Variants in LEMD3 observed in about 807,000 individuals in gnomAD.
LEMD3 encodes inner nuclear membrane protein Man1.
A neutral mutation model predicts 95.2 loss-of-function variants in LEMD3; 33 were observed. That is an observed-to-expected ratio of 0.35 (90% CI 0.26 to 0.46). The LOEUF is 0.46. Among genes scored for constraint, LEMD3 ranks in the 20% least tolerant of loss-of-function variants. The pLI is 1.00. For synonymous variants in LEMD3, 525 were observed against 474.6 expected, an observed-to-expected ratio of 1.11 and a Z score of -1.38; for missense variants, 1,210 against 1,192.8, an observed-to-expected ratio of 1.01 and a Z score of -0.21.
intron 4 of LEMD3, among the ~76,000 whole-genome samples, chr12:65,227,598 C>T (rs1424829424): frequency 2.0e-5 from 3 of 152,206 alleles, no homozygotes; most frequent in South Asian, 4.1e-4. Flanking sequence ...ACTGATAATA[C>T]AATGTAAATT....
chr12:65,197,022 TG>T (rs2136328079), intron 1 of LEMD3, among the ~76,000 whole-genome samples: 1 of 152,290 alleles, frequency 6.6e-6, no homozygotes, highest in Admixed American at 6.5e-5. Context: ...TTTTATAGCC[TG>T]AACACAGAAG....
chr12:65,185,838 C>A (rs1016887600), intron 1 of LEMD3, among the ~76,000 whole-genome samples: 1 of 151,868 alleles, frequency 6.6e-6, no homozygotes, highest in Admixed American at 6.6e-5. Context: ...CTATTAATAT[C>A]TTTGATTGGT....
rs773133991 is a variant in LEMD3, at chr12:65,240,974, G to T, written c.2192G>T (p.Arg731Leu). ...DFLAANESRVRTETRRIGGAD... is the reference protein window; with the variant it reads ...DFLAANESRVLTETRRIGGAD... ...CTTGCTGCTAATGAGTCTAGAGTTC[G>T]CACGGAAACACGAAGAATAGGTGGT... Residue 731 changes from arginine (R) to leucine (L), a missense_variant, in exon 9 of 13, where the codon CGC becomes CTC. Around this residue, in one of 2 missense-constraint regions of LEMD3, gnomAD observed 461 missense variants for 569.8 expected, o/e 0.81. Coordinates refer to ENST00000308330, the MANE Select transcript of LEMD3 (RefSeq NM_014319.5). 9 of 1,614,028 alleles carry T rather than the reference G, an allele frequency of 5.6e-6. No individual in the cohort carries two copies. The highest frequency in any genetic ancestry group is 1.1e-5 in the South Asian group (1 of 91,084).
intron 8 of LEMD3, 82 bp from the exon 9 acceptor site, chr12:65,240,827 T>C: frequency 8.1e-7 from 1 of 1,228,220 alleles, no homozygotes; most frequent in Non-Finnish European, 1.2e-6. Flanking sequence ...CAGCTAGAGT[T>C]AACTATTACC....
intron 10 of LEMD3, among the ~76,000 whole-genome samples, chr12:65,244,408 T>A (rs960072503): frequency 5.9e-5 from 9 of 152,054 alleles, no homozygotes; most frequent in African/African-American, 1.9e-4. Context: ...AAGTCCACTA[T>A]TTTATTACCT....
Position 65,248,211 on chromosome 12 carries a change from G to C in LEMD3, c.*1886G>C, listed in dbSNP as rs1871172340. 2.0e-5 allele frequency: 3 copies of C among 152,448 alleles called. No individual in the cohort carries two copies. The highest frequency in any genetic ancestry group is 7.2e-5 in the African/African-American group (3 of 41,546). 9.4% of individuals were successfully genotyped at this position (152,448 alleles called of 1,614,324 possible). ...AGCCGACCAAGATCCCTCCCTGCAA[G>C]ACAGATGGGAATGTGTATAATAACT... On this transcript the variant is annotated 3_prime_UTR_variant, in exon 13 of 13. Coordinates refer to ENST00000308330, the MANE Select transcript of LEMD3 (RefSeq NM_014319.5).
At chr12:65,221,302 T>C (rs1426737497) in intron 4 of LEMD3, among the ~76,000 whole-genome samples, 2 of 151,956 alleles carry the variant, frequency 1.3e-5, no homozygotes, top group Non-Finnish European at 2.9e-5. Flanking sequence ...AACCTCCTTT[T>C]CAGATTGTTG....
chr12:65,218,609 C>A lies in LEMD3; in HGVS notation c.1685C>A (p.Ala562Glu). ...QRTLSVQEAA[A>E]YLKDLGPEYE... Reference sequence around the variant, plus strand: ...ACGCTTTCTGTTCAAGAGGCAGCTGCGTATTTAAAAGTAAGCAATGAAATT... The same window carrying A: ...ACGCTTTCTGTTCAAGAGGCAGCTGAGTATTTAAAAGTAAGCAATGAAATT... The change falls in exon 4 of 13, where the codon GCG (alanine) becomes GAG (glutamate). Residue 562 changes from alanine to glutamate, a missense_variant. This residue lies in a region of LEMD3 where 461 missense variants were observed against 569.8 expected (regional missense o/e 0.81). Transcript: ENST00000308330. 1 of 1,597,330 alleles carries A rather than the reference C, an allele frequency of 6.3e-7. No homozygotes were observed. Among genetic ancestry groups the A allele is most frequent in the Non-Finnish European group, 8.6e-7 (1 of 1,169,056 alleles).
rs575953664 is a variant in LEMD3 at position 65,228,539 on chromosome 12, G to A, written c.1695+9920G>A. On this transcript the variant is annotated intron_variant, in intron 4 of 12. Transcript: ENST00000308330. ...GCCTCCCAAATAGCTGGGACTGCAG[G>A]CACCTGCCACCACGCCTGGCTAATT... Among the ~76,000 whole-genome samples the A allele has an allele frequency of 3.9e-5, 6 of 152,020 alleles. No homozygotes were observed. The South Asian group carries it at 6.2e-4, about 16-fold the overall frequency.
chr12:65,231,027 T>C (rs1870610404), intron 4 of LEMD3, among the ~76,000 whole-genome samples: 1 of 152,208 alleles, frequency 6.6e-6, no homozygotes, highest in Non-Finnish European at 1.5e-5. Flanking sequence ...TTGAGTTATT[T>C]TATGTTTCAT....
At chr12:65,194,478 G>A (rs1295839228) in intron 1 of LEMD3, among the ~76,000 whole-genome samples, 1 of 152,072 alleles carries the variant, frequency 6.6e-6, no homozygotes, top group Non-Finnish European at 1.5e-5. Context: ...TAGCGGTGTG[G>A]AAATGGTCCC....
chr12:65,223,086 A>G (rs1229247410), intron 4 of LEMD3, among the ~76,000 whole-genome samples: 1 of 152,030 alleles, frequency 6.6e-6, no homozygotes, highest in Non-Finnish European at 1.5e-5. Flanking sequence ...TTCCATGTGC[A>G]CTTCATAAGA....
At chr12:65,189,163 T>C (rs1869160912) in intron 1 of LEMD3, among the ~76,000 whole-genome samples, 1 of 152,190 alleles carries the variant, frequency 6.6e-6, no homozygotes, top group Non-Finnish European at 1.5e-5. Context: ...ATGGTCTCTC[T>C]CAAAATATCT....
At chr12:65,179,019 G>A (rs1272811675) in intron 1 of LEMD3, among the ~76,000 whole-genome samples, 1 of 152,050 alleles carries the variant, frequency 6.6e-6, no homozygotes, top group Non-Finnish European at 1.5e-5. Flanking sequence ...TAATTAAGGG[G>A]GAGGGGGCAT....
In LEMD3 at chr12:65,169,865, G is replaced by A; in HGVS notation, c.269G>A (p.Gly90Glu). 6.9e-7 allele frequency: 1 copy of A among 1,458,844 alleles called. No individual in the cohort carries two copies. The allele number at this position is 1,458,844 out of a possible 1,614,324, so 90.4% of individuals were successfully genotyped here. Residue 90 changes from glycine to glutamate, a missense_variant, in exon 1 of 13, where the codon GGG becomes GAG. Around this residue, in one of 2 missense-constraint regions of LEMD3, gnomAD observed 749 missense variants for 622.9 expected, o/e 1.20. Coordinates refer to ENST00000308330, the MANE Select transcript of LEMD3 (RefSeq NM_014319.5). ...GCGGCGGCGGCGGCCGCGGGGATGG[G>A]GGTCCGGCCGGTCTCGGGCGACCTC... The part of the protein sequence containing the change: ...GPAAAAAAGM[G>E]VRPVSGDLSY...
At chr12:65,203,073 A>G (rs1040929130) in intron 1 of LEMD3, among the ~76,000 whole-genome samples, 1 of 151,890 alleles carries the variant, frequency 6.6e-6, no homozygotes, top group Admixed American at 6.6e-5. Flanking sequence ...ACTCTTTCTT[A>G]TGCTTACTTT....
chr12:65,197,183 G>A (rs1379813703), intron 1 of LEMD3, among the ~76,000 whole-genome samples: 1 of 152,118 alleles, frequency 6.6e-6, no homozygotes, highest in African/African-American at 2.4e-5. Flanking sequence ...ATTTTACAGA[G>A]CTCAGGCTAA....
chr12:65,235,975 T>C (rs1430151696), intron 4 of LEMD3, among the ~76,000 whole-genome samples: 2 of 152,192 alleles, frequency 1.3e-5, no homozygotes, highest in Non-Finnish European at 2.9e-5. Flanking sequence ...ATCTTCACCA[T>C]CTTAAAAATC....
intron 1 of LEMD3, among the ~76,000 whole-genome samples, chr12:65,201,497 T>C (rs554580492): frequency 6.6e-6 from 1 of 152,314 alleles, no homozygotes; most frequent in South Asian, 2.1e-4. Context: ...GTTTTGCTCA[T>C]GTAGATTTTG....
Sources: allele counts gnomAD v4.1 joint callset (sites outside exome capture counted in the v4.1 genomes callset), GRCh38; gene constraint gnomAD v4.1.1; regional missense constraint gnomAD v4.1.1; transcripts MANE v1.5; gene names NCBI Gene and HGNC (gene_info 2026-07-23, HGNC 2026-07-21).